Variants in CATSPERB observed in about 807,000 individuals in gnomAD.
The protein encoded by CATSPERB is catsper channel auxiliary subunit beta.
Under a neutral mutation model 128.3 loss-of-function variants are expected in CATSPERB, and 93 were observed. That is an observed-to-expected ratio of 0.72 (90% CI 0.61 to 0.86). The LOEUF (loss-of-function observed/expected upper bound fraction) is 0.86, where lower values mean the gene tolerates loss of function less well. CATSPERB is among the 40% of genes least tolerant of loss of function. The probability of loss-of-function intolerance (pLI) is 0.00; values close to 1 mark genes in which losing one functional copy is unlikely to be tolerated. For synonymous variants in CATSPERB, 381 were observed against 448.8 expected (o/e 0.85, Z 1.91); for missense variants, 1,153 against 1,329.5 (o/e 0.87, Z 2.06).
intron 11 of CATSPERB, among the ~76,000 whole-genome samples, chr14:91,682,770 A>C (rs1181929710): frequency 6.6e-6 from 1 of 152,222 alleles, no homozygotes; most frequent in Non-Finnish European, 1.5e-5. Context: ...CCATAGATGT[A>C]GAATTACAAG....
At chr14:91,616,188 G>A (rs796360694) in intron 20 of CATSPERB, among the ~76,000 whole-genome samples, 4 of 152,154 alleles carry the variant, frequency 2.6e-5, no homozygotes, top group African/African-American at 7.2e-5. Context: ...GCTGTATACC[G>A]TTTTCCATAA....
At chr14:91,631,386 G>A (rs749917424) in intron 17 of CATSPERB, among the ~76,000 whole-genome samples, 8 of 152,294 alleles carry the variant, frequency 5.3e-5, no homozygotes, top group South Asian at 2.1e-4. Context: ...ATTCAGGGCC[G>A]GGTGCAATGG....
At chr14:91,711,807 G>A (rs1315269242) in intron 5 of CATSPERB, among the ~76,000 whole-genome samples, 1 of 151,998 alleles carries the variant, frequency 6.6e-6, no homozygotes, top group Non-Finnish European at 1.5e-5. Flanking sequence ...GAGTACATGG[G>A]GCATCTACTA....
intron 20 of CATSPERB, among the ~76,000 whole-genome samples, chr14:91,612,627 T>C (rs1893857023): frequency 6.6e-6 from 1 of 152,256 alleles, no homozygotes; most frequent in South Asian, 2.1e-4. Context: ...AATTCTGAAG[T>C]ATTTTTGGAA....
At chr14:91,685,058 C>G (rs1015598769) in intron 10 of CATSPERB, among the ~76,000 whole-genome samples, 1 of 152,106 alleles carries the variant, frequency 6.6e-6, no homozygotes, top group Non-Finnish European at 1.5e-5. Flanking sequence ...TCCCAAACAG[C>G]TGGGACTACA....
chr14:91,621,993 A>G, intron 18 of CATSPERB, 56 bp from the exon 19 acceptor site: 1 of 1,198,930 alleles, frequency 8.3e-7, no homozygotes, highest in Non-Finnish European at 1.2e-6. Context: ...TGTTTGCCAA[A>G]CAAACTGATG....
Position 91,660,026 on chromosome 14 carries a change from A to G in CATSPERB, c.1288-45T>C, listed in dbSNP as rs1277290987. ...ATACCTTACTAAAGGGCTGCCATGC[A>G]ACAGTTGGCAGTTACCTATCAGCCT... On this transcript the variant is annotated intron_variant, in intron 14 of 26. Coordinates refer to ENST00000256343, the MANE Select transcript of CATSPERB (RefSeq NM_024764.4). 2.6e-6 allele frequency: 4 copies of G among 1,518,522 alleles called. No homozygotes were observed. In the East Asian group the frequency reaches 9.4e-5, roughly 36 times the overall value. The allele number at this position is 1,518,522 out of a possible 1,614,324, so 94.1% of individuals were successfully genotyped here.
intron 7 of CATSPERB, among the ~76,000 whole-genome samples, chr14:91,699,502 C>A (rs1052623812): frequency 6.6e-6 from 1 of 151,778 alleles, no homozygotes; most frequent in African/African-American, 2.4e-5. Context: ...AAAAGAATAA[C>A]ATTTCTTGAT....
At chr14:91,598,747 A>G (rs1893554818) in intron 22 of CATSPERB, among the ~76,000 whole-genome samples, 1 of 149,886 alleles carries the variant, frequency 6.7e-6, no homozygotes. Flanking sequence ...AGTCCCAGCT[A>G]CTTGGGAGGC....
At chr14:91,598,339 G>A (rs533889093) in intron 22 of CATSPERB, among the ~76,000 whole-genome samples, 1 of 150,540 alleles carries the variant, frequency 6.6e-6, no homozygotes, top group South Asian at 2.1e-4. Context: ...TAGCAAGAAT[G>A]TTTTTCTACA....
intron 4 of CATSPERB, among the ~76,000 whole-genome samples, chr14:91,720,452 A>G (rs1268477660): frequency 6.6e-6 from 1 of 151,588 alleles, no homozygotes; most frequent in Non-Finnish European, 1.5e-5. Flanking sequence ...GCAGTGAACA[A>G]TCTGAAAATG....
At chr14:91,603,146 T>C in intron 22 of CATSPERB, 1 of 784,986 alleles carries the variant, frequency 1.3e-6, no homozygotes, top group South Asian at 1.3e-5. Flanking sequence ...CTCTTCCTTG[T>C]ATACCTTCAT....
intron 15 of CATSPERB, among the ~76,000 whole-genome samples, chr14:91,654,606 T>G (rs901798715): frequency 6.6e-6 from 1 of 152,190 alleles, no homozygotes; most frequent in Non-Finnish European, 1.5e-5. Flanking sequence ...GAATACCACA[T>G]AGACTCTAAG....
At chr14:91,698,666 T>A (rs1280570151) in intron 7 of CATSPERB, among the ~76,000 whole-genome samples, 1 of 152,244 alleles carries the variant, frequency 6.6e-6, no homozygotes, top group Non-Finnish European at 1.5e-5. Flanking sequence ...AGCTTTTGCT[T>A]TTAGTTCTAT....
At chr14:91,589,403 T>G in intron 24 of CATSPERB, 131 bp downstream of exon 24, 3 of 785,570 alleles carry the variant, frequency 3.8e-6, no homozygotes, top group Non-Finnish European at 5.7e-6. Context: ...ATATGCCAAC[T>G]GATCCAAATC....
At chr14:91,593,579 G>C (rs1488028980) in intron 22 of CATSPERB, among the ~76,000 whole-genome samples, 1 of 152,188 alleles carries the variant, frequency 6.6e-6, no homozygotes, top group Non-Finnish European at 1.5e-5. Flanking sequence ...TGGAATGGCT[G>C]TATTTACCCA....
chr14:91,650,538 G>T (rs1311380874), intron 15 of CATSPERB, among the ~76,000 whole-genome samples: 1 of 152,152 alleles, frequency 6.6e-6, no homozygotes, highest in Non-Finnish European at 1.5e-5. Flanking sequence ...AGAATCCAAG[G>T]CTGGCTTGAT....
chr14:91,685,414 G>A (rs1895357074), intron 10 of CATSPERB, among the ~76,000 whole-genome samples: 1 of 152,172 alleles, frequency 6.6e-6, no homozygotes, highest in East Asian at 1.9e-4. Flanking sequence ...TGATAAGTTA[G>A]TCCAAAATTT....
intron 4 of CATSPERB, 70 bp downstream of exon 4, chr14:91,722,979 A>C: frequency 8.2e-7 from 1 of 1,225,290 alleles, no homozygotes; most frequent in Non-Finnish European, 1.1e-6. Flanking sequence ...TTTTTTAAAA[A>C]ATACATCCTA....
Sources: allele counts gnomAD v4.1 joint callset (sites outside exome capture counted in the v4.1 genomes callset), GRCh38; gene constraint gnomAD v4.1.1; transcripts MANE v1.5; gene names NCBI Gene and HGNC (gene_info 2026-07-23, HGNC 2026-07-21).